ETNK1: variants seen among roughly 807,000 people sequenced by gnomAD.
The protein encoded by ETNK1 is ethanolamine kinase 1.
ETNK1 carries 8 observed loss-of-function variants against 45.1 expected under a neutral mutation model. That is an observed-to-expected ratio of 0.18 (90% CI 0.10 to 0.32). The LOEUF (loss-of-function observed/expected upper bound fraction) is 0.32, where lower values mean the gene tolerates loss of function less well. ETNK1 is among the 10% of genes least tolerant of loss of function. The pLI is 1.00. For missense variants in ETNK1, 302 were observed against 430.6 expected (o/e 0.70, Z 2.64); for synonymous variants, 152 against 151.9 (o/e 1.00, Z -0.01).
intron 6 of ETNK1, among the ~76,000 whole-genome samples, 156 bp from the exon 7 acceptor site, chr12:22,684,327 C>T (rs887032722): frequency 3.9e-5 from 6 of 151,922 alleles, no homozygotes; most frequent in East Asian, 3.9e-4. Context: ...TGGGTGCAGA[C>T]GTCAGTAGGA....
chr12:22,642,389 T>G (rs1201680874), intron 1 of ETNK1, among the ~76,000 whole-genome samples: 2 of 152,044 alleles, frequency 1.3e-5, no homozygotes, highest in Non-Finnish European at 1.5e-5. Context: ...CCTGACAGTG[T>G]CTTTCATACA....
chr12:22,678,721 C>G (rs1292317701), intron 6 of ETNK1, among the ~76,000 whole-genome samples: 1 of 152,126 alleles, frequency 6.6e-6, no homozygotes, highest in Admixed American at 6.6e-5. Context: ...TGGGCTTGAC[C>G]AACATAGGAG....
intron 4 of ETNK1, among the ~76,000 whole-genome samples, chr12:22,664,062 G>T (rs1954032025): frequency 6.6e-6 from 1 of 151,800 alleles, no homozygotes; most frequent in Non-Finnish European, 1.5e-5. Flanking sequence ...TTTCAAATTG[G>T]GAGCTAATGG....
chr12:22,643,411 A>G (rs1953764491), intron 1 of ETNK1, among the ~76,000 whole-genome samples: 1 of 152,064 alleles, frequency 6.6e-6, no homozygotes, highest in Admixed American at 6.6e-5. Context: ...GTACACACAC[A>G]CATACACACA....
At chr12:22,644,109 G>T (rs1953775274) in intron 2 of ETNK1, 87 bp downstream of exon 2, 2 of 1,484,214 alleles carry the variant, frequency 1.3e-6, no homozygotes, top group East Asian at 2.3e-5. Context: ...GTCTTTGTTT[G>T]AGCAACTATT....
chr12:22,632,921 G>A (rs1335025100), intron 1 of ETNK1, among the ~76,000 whole-genome samples: 1 of 152,144 alleles, frequency 6.6e-6, no homozygotes, highest in Non-Finnish European at 1.5e-5. Flanking sequence ...GTATATAGTT[G>A]TAGTTCTTTT....
intron 5 of ETNK1, 114 bp downstream of exon 5, chr12:22,671,469 G>A (rs928918133): frequency 1.3e-6 from 1 of 747,510 alleles, no homozygotes; most frequent in Admixed American, 2.4e-5. Flanking sequence ...ACGTGTTGTT[G>A]ACCGTTTTTC....
intron 1 of ETNK1, among the ~76,000 whole-genome samples, chr12:22,631,523 A>G (rs1953580690): frequency 6.6e-6 from 1 of 152,208 alleles, no homozygotes; most frequent in Admixed American, 6.5e-5. Flanking sequence ...AAAAGTGTCT[A>G]TGTACATATT....
intron 4 of ETNK1, among the ~76,000 whole-genome samples, chr12:22,661,717 G>A (rs1201792269): frequency 6.6e-6 from 1 of 152,148 alleles, no homozygotes; most frequent in Admixed American, 6.5e-5. Context: ...GCTACAGATG[G>A]AGGAGATATT....
intron 2 of ETNK1, among the ~76,000 whole-genome samples, chr12:22,654,719 T>C (rs1953917757): frequency 6.6e-6 from 1 of 152,202 alleles, no homozygotes; most frequent in Admixed American, 6.5e-5. Flanking sequence ...CAATCTTTAT[T>C]ATTATTATTG....
At position 22,625,181 on chromosome 12, in the gene ETNK1, G is replaced by A. The variant is rs199647883; in HGVS notation, c.-250G>A. The A allele has an allele frequency of 5.6e-5, 90 of 1,600,426 alleles. No homozygotes were observed. The highest frequency in any genetic ancestry group is 7.5e-5 in the Non-Finnish European group (88 of 1,172,410). On this transcript the variant is annotated 5_prime_UTR_variant, in exon 1 of 8. Coordinates refer to ENST00000266517, the MANE Select transcript of ETNK1 (RefSeq NM_018638.5). ...GCCCCGGCATGCTCTGCGGCCGCCC[G>A]CGGTCCAGCTCCGACAACAGGAATT...
chr12:22,634,676 C>A (rs1953631432), intron 1 of ETNK1, among the ~76,000 whole-genome samples: 1 of 152,180 alleles, frequency 6.6e-6, no homozygotes, highest in South Asian at 2.1e-4. Flanking sequence ...CCCACTACAG[C>A]CTCGACCATG....
chr12:22,651,668 C>T (rs1290991022), intron 2 of ETNK1, among the ~76,000 whole-genome samples: 1 of 147,606 alleles, frequency 6.8e-6, no homozygotes, highest in Non-Finnish European at 1.5e-5. Context: ...TAATGTAAAA[C>T]TACAATTCTA....
intron 1 of ETNK1, among the ~76,000 whole-genome samples, chr12:22,638,198 C>G (rs1436929004): frequency 6.6e-6 from 1 of 151,696 alleles, no homozygotes; most frequent in African/African-American, 2.4e-5. Flanking sequence ...TTTTCCATCT[C>G]AAAACACTTG....
intron 1 of ETNK1, among the ~76,000 whole-genome samples, chr12:22,629,237 G>A (rs905312214): frequency 2.0e-5 from 3 of 152,012 alleles, no homozygotes; most frequent in Non-Finnish European, 4.4e-5. Context: ...TTATAACAAC[G>A]TAATGTTTAT....
At chr12:22,684,788 T>A (rs1954245477) in intron 7 of ETNK1, 94 bp from the exon 8 acceptor site, 1 of 1,035,178 alleles carries the variant, frequency 9.7e-7, no homozygotes, top group Middle Eastern at 2.1e-4. Flanking sequence ...TCTTAAACTT[T>A]AAGAAAACCA....
chr12:22,665,738 A>G (rs930784222), intron 4 of ETNK1, among the ~76,000 whole-genome samples: 2 of 152,126 alleles, frequency 1.3e-5, no homozygotes, highest in Non-Finnish European at 1.5e-5. Context: ...ACCCTGTATT[A>G]TGTTTATAGC....
intron 2 of ETNK1, chr12:22,656,417 C>G (rs551287503): frequency 1.0e-6 from 1 of 985,400 alleles, no homozygotes; most frequent in African/African-American, 1.7e-5. Flanking sequence ...AGTAAACTTA[C>G]ACTGATTGTT....
chr12:22,625,902 GC>G, intron 1 of ETNK1: 1 of 619,900 alleles, frequency 1.6e-6, no homozygotes, highest in East Asian at 3.4e-5. Context: ...CACGGTCACT[GC>G]AAAATGAACC....
Sources: gnomAD v4.1 joint callset for allele counts (sites outside exome capture counted in the v4.1 genomes callset) on GRCh38, gnomAD v4.1.1 for gene constraint, MANE v1.5 for transcripts, NCBI Gene and HGNC (gene_info 2026-07-23, HGNC 2026-07-21) for gene names.